Variants in DTNA observed in about 807,000 individuals in gnomAD.
DTNA encodes dystrobrevin alpha.
Under a neutral mutation model 100.7 loss-of-function variants are expected in DTNA, and 43 were observed. The observed-to-expected ratio is 0.43, with a 90% CI of 0.33 to 0.55. The LOEUF is 0.55. Among genes scored for constraint, DTNA ranks in the 20% least tolerant of loss-of-function variants. The pLI, the probability that DTNA is intolerant of heterozygous loss-of-function variation, is 0.04. For missense variants in DTNA, 798 were observed against 953.9 expected (o/e 0.84, Z 2.15); for synonymous variants, 349 against 347.9 (o/e 1.00, Z -0.04).
intron 1 of DTNA, among the ~76,000 whole-genome samples, chr18:34,575,573 T>G (rs1277682133): frequency 6.6e-6 from 1 of 152,192 alleles, no homozygotes; most frequent in East Asian, 1.9e-4. Flanking sequence ...TTAAGACCAC[T>G]CAGTCTTCCT....
At chr18:34,866,039 C>A in intron 17 of DTNA, 2 of 1,562,020 alleles carry the variant, frequency 1.3e-6, no homozygotes, top group South Asian at 1.1e-5. Context: ...ATCTTGCGTT[C>A]CTTCACACTG....
chr18:34,690,042 A>C (rs2079523408), intron 1 of DTNA, among the ~76,000 whole-genome samples: 2 of 152,218 alleles, frequency 1.3e-5, no homozygotes, highest in Non-Finnish European at 2.9e-5. Context: ...CTGTGCTGAC[A>C]GCGAGAATTT....
At chr18:34,524,607 A>G (rs1163093027) in intron 1 of DTNA, among the ~76,000 whole-genome samples, 1 of 152,170 alleles carries the variant, frequency 6.6e-6, no homozygotes, top group Non-Finnish European at 1.5e-5. Context: ...TTTTCCAAGT[A>G]ATTGATATCC....
intron 1 of DTNA, among the ~76,000 whole-genome samples, chr18:34,527,922 C>T (rs558409275): frequency 6.6e-6 from 1 of 152,022 alleles, no homozygotes; most frequent in Non-Finnish European, 1.5e-5. Flanking sequence ...TTACTTACAC[C>T]TCTATTGTCC....
At chr18:34,868,154 CAAAAAA>C (rs34776092) in intron 17 of DTNA, 5 of 179,014 alleles carry the variant, frequency 2.8e-5, no homozygotes, top group Non-Finnish European at 3.2e-5. Context: ...GGCAATGAAG[CAAAAAA>C]AAAAAAAAAA....
At chr18:34,594,384 C>G (rs1187085487) in intron 1 of DTNA, among the ~76,000 whole-genome samples, 1 of 152,190 alleles carries the variant, frequency 6.6e-6, no homozygotes, top group Non-Finnish European at 1.5e-5. Flanking sequence ...ACAGCTCTTC[C>G]AAACTTGCAC....
upstream of DTNA, among the ~76,000 whole-genome samples, chr18:34,705,505 T>A (rs922668595): frequency 6.6e-6 from 1 of 152,198 alleles, no homozygotes; most frequent in South Asian, 2.1e-4. Context: ...GAACTCTGTT[T>A]CCTTTCTAGC....
chr18:34,507,392 G>A (rs542966356), intron 1 of DTNA, among the ~76,000 whole-genome samples: 1 of 152,284 alleles, frequency 6.6e-6, no homozygotes, highest in African/African-American at 2.4e-5. Flanking sequence ...AAATCTAACT[G>A]AGGAGCACCT....
rs2084875435 is a variant in DTNA, at chr18:34,719,788, T to C, written c.-2+9343T>C. ...GTAAAGAAAGCTTTGTTTAGGAGCATGCCCTTATAAATTGGAGAAACTCTT... is the reference window on the plus strand; with the variant it reads ...GTAAAGAAAGCTTTGTTTAGGAGCACGCCCTTATAAATTGGAGAAACTCTT... On this transcript the variant is annotated intron_variant, in intron 1 of 22. Coordinates refer to ENST00000444659, the MANE Select transcript of DTNA (RefSeq NM_001386795.1). Among the ~76,000 whole-genome samples the C allele has an allele frequency of 2.0e-5, 3 of 152,320 alleles. No individual in the cohort carries two copies. The South Asian group carries it at 6.2e-4, about 32-fold the overall frequency.
At chr18:34,768,230 C>T (rs758441793) in intron 3 of DTNA, among the ~76,000 whole-genome samples, 4 of 151,950 alleles carry the variant, frequency 2.6e-5, no homozygotes, top group Non-Finnish European at 4.4e-5. Flanking sequence ...CTTTGCCAAG[C>T]GGAGCCTTCC....
intron 1 of DTNA, among the ~76,000 whole-genome samples, chr18:34,525,227 CA>C (rs1310057609): frequency 2.0e-5 from 3 of 152,030 alleles, no homozygotes; most frequent in East Asian, 1.9e-4. Context: ...TCTAGGACAT[CA>C]GGGGCCCCAG....
At chr18:34,538,183 AAG>A (rs1352347740) in intron 1 of DTNA, among the ~76,000 whole-genome samples, 1 of 152,064 alleles carries the variant, frequency 6.6e-6, no homozygotes, top group African/African-American at 2.4e-5. Context: ...TGCTAACAAA[AAG>A]AGAGCAGTTT....
intron 1 of DTNA, among the ~76,000 whole-genome samples, chr18:34,626,874 A>T (rs1027507898): frequency 1.5e-4 from 23 of 152,308 alleles, no homozygotes; most frequent in African/African-American, 5.5e-4. Flanking sequence ...TTAATTTGGA[A>T]ACATTTGTCT....
At chr18:34,865,352 C>A (rs1404802396) in intron 17 of DTNA, among the ~76,000 whole-genome samples, 1 of 146,864 alleles carries the variant, frequency 6.8e-6, no homozygotes, top group Non-Finnish European at 1.5e-5. Flanking sequence ...TCTTGATTGC[C>A]CCCTCTTTCC....
At chr18:34,676,466 A>C (rs968644112) in intron 1 of DTNA, among the ~76,000 whole-genome samples, 4 of 152,174 alleles carry the variant, frequency 2.6e-5, no homozygotes, top group Non-Finnish European at 4.4e-5. Context: ...CCATGACACT[A>C]AATTTTAATT....
intron 10 of DTNA, chr18:34,828,970 G>A: frequency 1.9e-6 from 3 of 1,538,936 alleles, no homozygotes; most frequent in Non-Finnish European, 1.8e-6. Flanking sequence ...TTATTAGGAA[G>A]CTCTGCATTC....
chr18:34,614,793 T>G (rs939577430), intron 1 of DTNA, among the ~76,000 whole-genome samples: 4 of 152,208 alleles, frequency 2.6e-5, no homozygotes, highest in African/African-American at 9.6e-5. Flanking sequence ...TGGTCAAGAC[T>G]CTGTCAACAT....
chr18:34,615,952 A>C (rs1321951776), intron 1 of DTNA, among the ~76,000 whole-genome samples: 1 of 152,152 alleles, frequency 6.6e-6, no homozygotes, highest in Non-Finnish European at 1.5e-5. Context: ...TATTCCATAG[A>C]GTATATGTTC....
At chr18:34,847,671 C>A (rs924099236) in intron 13 of DTNA, among the ~76,000 whole-genome samples, 5 of 152,172 alleles carry the variant, frequency 3.3e-5, no homozygotes, top group African/African-American at 1.2e-4. Context: ...GCTTTATGAC[C>A]TGACAGCTAT....
Sources: allele counts gnomAD v4.1 joint callset (sites outside exome capture counted in the v4.1 genomes callset), GRCh38; gene constraint gnomAD v4.1.1; transcripts MANE v1.5; gene names NCBI Gene and HGNC (gene_info 2026-07-23, HGNC 2026-07-21).